Variants in KIAA1217 observed in about 807,000 individuals in gnomAD.
KIAA1217 encodes sickle tail protein homolog.
Under a neutral mutation model 163.9 loss-of-function variants are expected in KIAA1217, and 88 were observed. That is an observed-to-expected ratio of 0.54 (90% CI 0.45 to 0.64). KIAA1217 has a LOEUF of 0.64. Ranked by LOEUF, KIAA1217 falls within the 30% of genes least tolerant of loss-of-function variation. The pLI is 0.00. For synonymous variants in KIAA1217, 903 were observed against 923.1 expected (o/e 0.98, Z 0.39); for missense variants, 2,372 against 2,475.0 (o/e 0.96, Z 0.88).
chr10:23,728,987 T>A (rs1252853280), intron 1 of KIAA1217, among the ~76,000 whole-genome samples: 1 of 152,206 alleles, frequency 6.6e-6, no homozygotes. Flanking sequence ...CCGACTGACC[T>A]TTTTACTGTC....
At chr10:23,765,017 C>A (rs1387486185) in intron 1 of KIAA1217, among the ~76,000 whole-genome samples, 1 of 151,492 alleles carries the variant, frequency 6.6e-6, no homozygotes, top group Non-Finnish European at 1.5e-5. Flanking sequence ...GGCTTCTCCC[C>A]CAAAAAAACC....
chr10:24,082,250 A>G (rs1390956415), intron 2 of KIAA1217, among the ~76,000 whole-genome samples: 2 of 150,384 alleles, frequency 1.3e-5, no homozygotes, highest in African/African-American at 2.5e-5. Context: ...CTTTATTTTT[A>G]TTTTTTATAT....
At position 23,953,312 on chromosome 10, in the gene KIAA1217, A is replaced by G. The variant is rs547035235; in HGVS notation, c.-320-53913A>G. 5.3e-5 allele frequency among the ~76,000 whole-genome samples: 8 copies of G among 152,370 alleles called. No individual in the cohort carries two copies. The South Asian group carries it at 1.7e-3, about 32-fold the overall frequency. ...CTTTTGTAAAAACTGATGCAAGTCA[A>G]TAACGATTCTCCTCCATTCAGTGTC... On this transcript the variant is annotated intron_variant, in intron 1 of 18. Coordinates refer to the KIAA1217 transcript ENST00000376462.
At chr10:23,820,175 C>T (rs192768930) in intron 1 of KIAA1217, among the ~76,000 whole-genome samples, 71 of 152,244 alleles carry the variant, frequency 4.7e-4, no homozygotes, top group African/African-American at 1.7e-3. Context: ...AGGCAAACAT[C>T]GAAGCATAAA....
intron 2 of KIAA1217, among the ~76,000 whole-genome samples, chr10:24,240,620 A>G (rs889445906): frequency 3.3e-5 from 5 of 152,184 alleles, no homozygotes; most frequent in African/African-American, 1.2e-4. Context: ...AAGTAAATTC[A>G]TGTCCTTAGG....
At chr10:23,784,272 G>T (rs1190205350) in intron 1 of KIAA1217, among the ~76,000 whole-genome samples, 4 of 151,926 alleles carry the variant, frequency 2.6e-5, no homozygotes, top group Admixed American at 2.6e-4. Flanking sequence ...TCTTTGCATG[G>T]AATATTTTTT....
At chr10:24,391,325 CTTTCTTTCTTTTTT>C (rs2054913475) in intron 3 of KIAA1217, among the ~76,000 whole-genome samples, 1 of 55,788 alleles carries the variant, frequency 1.8e-5, no homozygotes, top group Non-Finnish European at 2.9e-5. Context: ...CTGTTTCTTT[CTTTCTTTCTTTTTT>C]TTTTTTTTTT....
At chr10:24,147,006 T>TAAAAAAAA (rs755857019) in intron 2 of KIAA1217, among the ~76,000 whole-genome samples, 2 of 110,726 alleles carry the variant, frequency 1.8e-5, no homozygotes. Context: ...TTTGTTTTGT[T>TAAAAAAAA]AAAAAAAAAA....
chr10:24,038,352 G>C lies in KIAA1217; in HGVS notation c.-171+30978G>C, dbSNP rs372647885. On this transcript the variant is annotated intron_variant, in intron 2 of 18. Transcript: ENST00000376462. Reference sequence around the variant, plus strand: ...ACCAGCTTTACTTAAACAGATGCATGAGTTTTGGTACAGACATGTGAAGTC... The same window carrying C: ...ACCAGCTTTACTTAAACAGATGCATCAGTTTTGGTACAGACATGTGAAGTC... 6.4e-4 allele frequency among the ~76,000 whole-genome samples: 98 copies of C among 152,304 alleles called. 1 individual carries two copies. Among genetic ancestry groups the C allele is most frequent in the African/African-American group, 2.3e-3 (95 of 41,554 alleles).
intron 1 of KIAA1217, among the ~76,000 whole-genome samples, chr10:23,769,836 T>C (rs1013895863): frequency 6.6e-6 from 1 of 152,188 alleles, no homozygotes; most frequent in African/African-American, 2.4e-5. Flanking sequence ...ACTACATCAT[T>C]CTTTCATTCC....
At chr10:23,775,183 TG>T (rs1834956881) in intron 1 of KIAA1217, among the ~76,000 whole-genome samples, 1 of 152,148 alleles carries the variant, frequency 6.6e-6, no homozygotes, top group Non-Finnish European at 1.5e-5. Flanking sequence ...CCTAACCCTG[TG>T]GAAGAGACAG....
At chr10:24,296,827 T>C (rs11014008) in intron 2 of KIAA1217, among the ~76,000 whole-genome samples, 11,200 of 152,240 alleles carry the variant, frequency 0.074, 507 homozygotes, top group East Asian at 0.24. Context: ...ATACAGATTA[T>C]GTGCAAAAAA....
chr10:24,075,045 T>C (rs2061323925), intron 2 of KIAA1217, among the ~76,000 whole-genome samples: 1 of 151,582 alleles, frequency 6.6e-6, no homozygotes, highest in Non-Finnish European at 1.5e-5. Flanking sequence ...CCTCCATACC[T>C]TCCTCTATGC....
At chr10:24,491,925 C>T (rs997565075) in intron 6 of KIAA1217, among the ~76,000 whole-genome samples, 1 of 151,858 alleles carries the variant, frequency 6.6e-6, no homozygotes, top group East Asian at 1.9e-4. Flanking sequence ...AAAAATGCCA[C>T]GTTACCTTTT....
intron 2 of KIAA1217, among the ~76,000 whole-genome samples, chr10:24,112,653 C>T (rs1002948743): frequency 1.3e-5 from 2 of 151,888 alleles, no homozygotes; most frequent in Admixed American, 6.6e-5. Flanking sequence ...GGCACAATCT[C>T]GGCTCACTGC....
intron 1 of KIAA1217, among the ~76,000 whole-genome samples, chr10:23,798,453 G>A (rs1294271978): frequency 6.6e-6 from 1 of 152,136 alleles, no homozygotes; most frequent in Non-Finnish European, 1.5e-5. Context: ...TTGGACAATT[G>A]ACCCTCTGAG....
intron 19 of KIAA1217, 101 bp from the exon 20 acceptor site, chr10:24,544,880 C>T (rs2075545326): frequency 3.8e-6 from 5 of 1,312,380 alleles, no homozygotes; most frequent in Non-Finnish European, 5.3e-6. Context: ...AGGGCTGTGG[C>T]TTCTCACCTT....
intron 1 of KIAA1217, among the ~76,000 whole-genome samples, chr10:23,731,888 A>G (rs761689137): frequency 1.8e-4 from 28 of 151,894 alleles, no homozygotes; most frequent in Non-Finnish European, 3.1e-4. Context: ...TAGCTTATTG[A>G]TGTGATGGAT....
intron 2 of KIAA1217, among the ~76,000 whole-genome samples, chr10:24,264,671 A>G (rs749078730): frequency 2.6e-5 from 4 of 152,158 alleles, no homozygotes; most frequent in Non-Finnish European, 4.4e-5. Flanking sequence ...GTAAAGAAAC[A>G]GGGAAATGAA....
Sources: allele counts gnomAD v4.1 joint callset (sites outside exome capture counted in the v4.1 genomes callset), GRCh38; gene constraint gnomAD v4.1.1; transcripts MANE v1.5; gene names NCBI Gene and HGNC (gene_info 2026-07-23, HGNC 2026-07-21).